The following FANCC variants were observed in gnomAD, a reference collection of about 807,000 sequenced individuals.
The protein encoded by FANCC is Fanconi anemia group C protein.
A neutral mutation model predicts 71.3 loss-of-function variants in FANCC; 55 were observed. The ratio of observed to expected loss-of-function variants is 0.77; its 90% CI spans 0.62 to 0.97. The LOEUF is 0.97. Ranked by LOEUF, FANCC falls within the 50% of genes least tolerant of loss-of-function variation. The pLI is 0.00. For synonymous variants in FANCC, 275 were observed against 244.9 expected (o/e 1.12, Z -1.15); for missense variants, 678 against 670.9 (o/e 1.01, Z -0.12).
Position 95,306,537 on chromosome 9 carries a change from A to C in FANCC, c.-79+10989T>G, listed in dbSNP as rs1235447471. 2.0e-5 allele frequency among the ~76,000 whole-genome samples: 3 copies of C among 152,224 alleles called. No homozygotes were observed. The East Asian group carries it at 5.8e-4, about 29-fold the overall frequency. On this transcript the variant is annotated intron_variant, in intron 1 of 14. Coordinates refer to ENST00000289081, the MANE Select transcript of FANCC (RefSeq NM_000136.3). ...TGGTGCAACAAAAAGAGCACCAGAC[A>C]GGAGTTAGTTTCCCTGGGTAACAGC...
rs529053880 is a variant in FANCC, at chr9:95,276,037, C to G, written c.-78-26668G>C. On this transcript the variant is annotated intron_variant, in intron 1 of 14. Transcript: ENST00000289081. The stretch of plus-strand genomic sequence containing the variant: ...GAATTACAATTTCACTAAAATCAGA[C>G]AGCCAGATGCTTGGTTTTTCCAGAC... 2.8e-4 allele frequency among the ~76,000 whole-genome samples: 42 copies of G among 152,306 alleles called. No individual in the cohort carries two copies. The South Asian group carries it at 8.5e-3, about 31-fold the overall frequency.
At chr9:95,238,605 A>G (rs193273275) in intron 4 of FANCC, among the ~76,000 whole-genome samples, 1 of 151,098 alleles carries the variant, frequency 6.6e-6, no homozygotes, top group Admixed American at 6.6e-5. Context: ...TCGCTCTGTC[A>G]CCCAGGCTGG....
intron 10 of FANCC, among the ~76,000 whole-genome samples, chr9:95,118,497 A>T (rs761225718): frequency 2.2e-4 from 33 of 152,206 alleles, no homozygotes; most frequent in Admixed American, 3.9e-4. Flanking sequence ...AAATGTGCAA[A>T]TCCATGTGAC....
intron 1 of FANCC, among the ~76,000 whole-genome samples, chr9:95,300,382 A>G (rs73539285): frequency 0.023 from 3,463 of 152,304 alleles, 141 homozygotes; most frequent in African/African-American, 0.079. Flanking sequence ...AATAAAATAC[A>G]TAATAAAATA....
At chr9:95,170,528 T>C (rs1047575056) in intron 6 of FANCC, among the ~76,000 whole-genome samples, 2 of 152,180 alleles carry the variant, frequency 1.3e-5, no homozygotes, top group East Asian at 1.9e-4. Context: ...ATGTGATTAA[T>C]TGCCTTTTAA....
intron 1 of FANCC, among the ~76,000 whole-genome samples, chr9:95,250,673 G>A (rs1831273748): frequency 1.3e-5 from 2 of 152,154 alleles, no homozygotes. Context: ...CCTCATCCAA[G>A]CTATCATCAC....
intron 14 of FANCC, 69 bp downstream of exon 14, chr9:95,106,997 G>T: frequency 6.7e-7 from 1 of 1,495,526 alleles, no homozygotes; most frequent in East Asian, 2.3e-5. Flanking sequence ...CCAGACCCTC[G>T]GACAGGTAAC....
intron 4 of FANCC, among the ~76,000 whole-genome samples, chr9:95,191,327 C>CTTT (rs71366278): frequency 4.1e-4 from 22 of 53,948 alleles, no homozygotes; most frequent in South Asian, 1.2e-3. Flanking sequence ...ATCCTACTTC[C>CTTT]TTTTTTTTTT....
At chr9:95,149,841 G>A in intron 7 of FANCC, 82 bp downstream of exon 7, 1 of 1,468,118 alleles carries the variant, frequency 6.8e-7, no homozygotes. Flanking sequence ...GGACACTGCT[G>A]TCGTACAGTC....
chr9:95,181,617 T>C (rs781778902), intron 4 of FANCC, among the ~76,000 whole-genome samples: 1 of 152,208 alleles, frequency 6.6e-6, no homozygotes, highest in African/African-American at 2.4e-5. Flanking sequence ...ACTGAGTTTC[T>C]AAATATACAA....
At chr9:95,278,950 C>T (rs2136252755) in intron 1 of FANCC, among the ~76,000 whole-genome samples, 1 of 152,118 alleles carries the variant, frequency 6.6e-6, no homozygotes, top group Middle Eastern at 3.4e-3. Context: ...CTTTGAGAGG[C>T]CAAGACAGAA....
At chr9:95,165,367 T>C (rs1831006948) in intron 6 of FANCC, among the ~76,000 whole-genome samples, 1 of 151,274 alleles carries the variant, frequency 6.6e-6, no homozygotes, top group South Asian at 2.1e-4. Context: ...TCTTATTTTC[T>C]TTTTTTTTCT....
rs2071004585 is a variant in FANCC at position 95,099,306 on chromosome 9, C to G, written c.*2401G>C. ...CTAGAGTAAGGTCAGATTCCAGACC[C>G]TGTCGCACCTCTGAAGACCTTGGTC... On this transcript the variant is annotated 3_prime_UTR_variant, in exon 15 of 15. Transcript: ENST00000289081. 4.4e-6 allele frequency: 1 copy of G among 224,772 alleles called. No individual in the cohort carries two copies. Among genetic ancestry groups the G allele is most frequent in the Non-Finnish European group, 8.9e-6 (1 of 112,978 alleles). 13.9% of individuals were successfully genotyped at this position (224,772 alleles called of 1,614,324 possible).
chr9:95,214,783 T>C (rs1350787107), intron 4 of FANCC, among the ~76,000 whole-genome samples: 2 of 152,208 alleles, frequency 1.3e-5, no homozygotes, highest in Admixed American at 6.5e-5. Flanking sequence ...TCCGCTTATA[T>C]GAGGTACTTA....
At chr9:95,293,024 G>A in intron 1 of FANCC, 2 of 1,588,874 alleles carry the variant, frequency 1.3e-6, no homozygotes, top group South Asian at 2.2e-5. Flanking sequence ...AAAGGAAAAT[G>A]GAAAACTGTG....
chr9:95,117,024 G>A (rs1415639107), intron 11 of FANCC, among the ~76,000 whole-genome samples: 1 of 152,212 alleles, frequency 6.6e-6, no homozygotes, highest in African/African-American at 2.4e-5. Flanking sequence ...GGTGGATCTG[G>A]TTGGCACCAG....
chr9:95,166,752 T>C (rs1831091348), intron 6 of FANCC, among the ~76,000 whole-genome samples: 1 of 152,028 alleles, frequency 6.6e-6, no homozygotes, highest in Non-Finnish European at 1.5e-5. Context: ...TTCCATACAG[T>C]TTACTATGGG....
chr9:95,224,258 AG>A (rs1305924579), intron 4 of FANCC, among the ~76,000 whole-genome samples: 3 of 152,270 alleles, frequency 2.0e-5, no homozygotes, highest in African/African-American at 7.2e-5. Flanking sequence ...AGAGCTAAAA[AG>A]CCCGAGAGTG....
chr9:95,220,706 C>A (rs1414273105), intron 4 of FANCC, among the ~76,000 whole-genome samples: 1 of 151,656 alleles, frequency 6.6e-6, no homozygotes, highest in Non-Finnish European at 1.5e-5. Context: ...CATCACACAC[C>A]GGGGCCTGTC....
Sources: gnomAD v4.1 joint callset for allele counts (sites outside exome capture counted in the v4.1 genomes callset) on GRCh38, gnomAD v4.1.1 for gene constraint, MANE v1.5 for transcripts, NCBI Gene and HGNC (gene_info 2026-07-23, HGNC 2026-07-21) for gene names.